Variants in SPON1 observed in about 807,000 individuals in gnomAD.
The protein encoded by SPON1 is spondin 1, also known as spondin-1.
A neutral mutation model predicts 111.7 loss-of-function variants in SPON1; 52 were observed. The ratio of observed to expected loss-of-function variants is 0.47; its 90% CI spans 0.37 to 0.59. SPON1 has a LOEUF of 0.59. SPON1 is among the 20% of genes least tolerant of loss of function. The probability of loss-of-function intolerance (pLI) is 0.00; values close to 1 mark genes in which losing one functional copy is unlikely to be tolerated. For synonymous variants in SPON1, 410 were observed against 395.8 expected, an observed-to-expected ratio of 1.04 and a Z score of -0.43; for missense variants, 957 against 1,068.5, an observed-to-expected ratio of 0.90 and a Z score of 1.46.
chr11:14,156,618 A>G (rs1847849433), intron 6 of SPON1, among the ~76,000 whole-genome samples: 2 of 151,908 alleles, frequency 1.3e-5, no homozygotes, highest in African/African-American at 2.4e-5. Context: ...TAGGGTTTTT[A>G]TGGTTTTAGG....
intron 5 of SPON1, among the ~76,000 whole-genome samples, chr11:14,082,751 A>G (rs1848972635): frequency 6.6e-6 from 1 of 152,238 alleles, no homozygotes; most frequent in Non-Finnish European, 1.5e-5. Context: ...TATTTCTATC[A>G]GTCTTAAGTA....
At chr11:14,114,858 G>A (rs1306658468) in intron 5 of SPON1, among the ~76,000 whole-genome samples, 3 of 152,112 alleles carry the variant, frequency 2.0e-5, no homozygotes, top group Non-Finnish European at 2.9e-5. Context: ...GAATCCCCAG[G>A]ACCATATGTA....
At chr11:14,128,642 C>T (rs1847491122) in intron 5 of SPON1, among the ~76,000 whole-genome samples, 1 of 152,204 alleles carries the variant, frequency 6.6e-6, no homozygotes, top group South Asian at 2.1e-4. Flanking sequence ...CTTCTCATAC[C>T]TCCACTAGAC....
At chr11:14,146,541 C>A (rs1393240396) in intron 6 of SPON1, among the ~76,000 whole-genome samples, 1 of 152,088 alleles carries the variant, frequency 6.6e-6, no homozygotes. Flanking sequence ...TACTGCATAA[C>A]TTAATCTGTA....
At chr11:14,237,667 A>G (rs1344748390) in intron 6 of SPON1, among the ~76,000 whole-genome samples, 2 of 152,218 alleles carry the variant, frequency 1.3e-5, no homozygotes, top group Admixed American at 1.3e-4. Context: ...TGCATTTGCA[A>G]TTAGTGGCAC....
intron 2 of SPON1, among the ~76,000 whole-genome samples, chr11:14,012,051 G>A (rs1848408892): frequency 6.6e-6 from 1 of 152,180 alleles, no homozygotes; most frequent in South Asian, 2.1e-4. Flanking sequence ...AACAGTGGAT[G>A]GGTGGGCTGC....
chr11:14,074,441 G>C (rs1024588754), intron 3 of SPON1, among the ~76,000 whole-genome samples: 1 of 152,156 alleles, frequency 6.6e-6, no homozygotes, highest in African/African-American at 2.4e-5. Context: ...CCTTCAGTGT[G>C]GTCAGCTATA....
intron 6 of SPON1, among the ~76,000 whole-genome samples, chr11:14,176,388 T>C (rs993509158): frequency 7.9e-5 from 12 of 152,118 alleles, no homozygotes; most frequent in African/African-American, 2.7e-4. Flanking sequence ...AAGCCAGGAC[T>C]CTTCCTACTA....
chr11:13,986,368 C>T (rs922388731), intron 2 of SPON1, among the ~76,000 whole-genome samples: 2 of 152,246 alleles, frequency 1.3e-5, no homozygotes, highest in Non-Finnish European at 2.9e-5. Context: ...AATTCTAATA[C>T]TCATTCATTG....
chr11:13,963,123 G>A lies in SPON1; in HGVS notation c.219G>A (p.Lys73=). The change falls in exon 1 of 16, where the codon AAG becomes AAA. Residue 73 remains lysine, a synonymous_variant. Coordinates refer to ENST00000576479, the MANE Select transcript of SPON1 (RefSeq NM_006108.4). ...TGGAGGGCGACCCCGACTTCTACAA[G>A]CCGGGAACCAGCTACCGCGGTAAGT... ...LRVEGDPDFY[K]PGTSYRVTLS... 6.6e-7 allele frequency: 1 copy of A among 1,519,676 alleles called. No individual in the cohort carries two copies. 94.1% of individuals were successfully genotyped at this position (1,519,676 alleles called of 1,614,324 possible). A position where few individuals can be genotyped will look rare whatever the true frequency, so the allele number is the denominator to read the frequency against.
chr11:13,968,929 A>G (rs1325160355), intron 1 of SPON1, among the ~76,000 whole-genome samples: 1 of 152,246 alleles, frequency 6.6e-6, no homozygotes, highest in African/African-American at 2.4e-5. Flanking sequence ...TTTTTCAAAA[A>G]GATGAAACAA....
intron 3 of SPON1, among the ~76,000 whole-genome samples, chr11:14,070,704 G>A (rs888561788): frequency 1.7e-4 from 26 of 152,064 alleles, no homozygotes; most frequent in African/African-American, 5.3e-4. Flanking sequence ...TCTCTCTCCC[G>A]GGAGCAGGGA....
intron 6 of SPON1, among the ~76,000 whole-genome samples, chr11:14,170,552 T>G (rs11493367): frequency 0.19 from 28,814 of 151,038 alleles, 2,823 homozygotes; most frequent in Admixed American, 0.24. Context: ...AGTGGTGAGA[T>G]AGGGCATCCC....
At chr11:14,049,747 TC>T (rs1434727478) in intron 3 of SPON1, among the ~76,000 whole-genome samples, 1 of 152,036 alleles carries the variant, frequency 6.6e-6, no homozygotes, top group Non-Finnish European at 1.5e-5. Context: ...AGCTCTAAAA[TC>T]CAAAAGATTT....
At chr11:13,980,735 T>C (rs1848137744) in intron 1 of SPON1, among the ~76,000 whole-genome samples, 1 of 152,214 alleles carries the variant, frequency 6.6e-6, no homozygotes, top group South Asian at 2.1e-4. Flanking sequence ...ATGAATTGAT[T>C]TTTTAAAGTT....
intron 6 of SPON1, among the ~76,000 whole-genome samples, chr11:14,170,172 G>C (rs1554932288): frequency 6.6e-6 from 1 of 152,020 alleles, no homozygotes; most frequent in African/African-American, 2.4e-5. Flanking sequence ...TTATTACATT[G>C]AGCAGTGGTT....
chr11:14,261,922 TG>T (rs1480063451), intron 14 of SPON1, among the ~76,000 whole-genome samples: 1 of 152,184 alleles, frequency 6.6e-6, no homozygotes, highest in African/African-American at 2.4e-5. Context: ...ATAAAAGAAC[TG>T]AAACTGTTGA....
intron 1 of SPON1, among the ~76,000 whole-genome samples, chr11:13,967,586 C>T (rs1286944083): frequency 1.3e-5 from 2 of 150,212 alleles, no homozygotes; most frequent in African/African-American, 4.9e-5. Context: ...TTTGTTTTTA[C>T]ATACAGATGT....
At chr11:14,056,902 T>A (rs1397724212) in intron 3 of SPON1, among the ~76,000 whole-genome samples, 1 of 151,788 alleles carries the variant, frequency 6.6e-6, no homozygotes, top group African/African-American at 2.4e-5. Context: ...AAAAATAAAT[T>A]AATTAATCAA....
Sources: allele counts gnomAD v4.1 joint callset (sites outside exome capture counted in the v4.1 genomes callset), GRCh38; gene constraint gnomAD v4.1.1; transcripts MANE v1.5; gene names NCBI Gene and HGNC (gene_info 2026-07-23, HGNC 2026-07-21).